RBPMS: variants seen among roughly 807,000 people sequenced by gnomAD.
RBPMS encodes the protein RNA-binding protein with multiple splicing.
RBPMS carries 7 observed loss-of-function variants against 26.8 expected under a neutral mutation model. The observed-to-expected ratio is 0.26, with a 90% CI of 0.15 to 0.49. The LOEUF is 0.49. Ranked by LOEUF, RBPMS falls within the 20% of genes least tolerant of loss-of-function variation. The pLI is 0.98. For synonymous variants in RBPMS, 96 were observed against 93.3 expected (o/e 1.03, Z -0.17); for missense variants, 186 against 250.0 (o/e 0.74, Z 1.73).
At chr8:30,388,863 T>C (rs972129046) in intron 1 of RBPMS, among the ~76,000 whole-genome samples, 4 of 152,032 alleles carry the variant, frequency 2.6e-5, no homozygotes, top group African/African-American at 7.2e-5. Flanking sequence ...ATAATAAAAC[T>C]AAAAAAGCAA....
At chr8:30,387,393 G>A (rs976737473) in intron 1 of RBPMS, 1 of 151,666 alleles carries the variant, frequency 6.6e-6, no homozygotes, top group African/African-American at 2.4e-5. Context: ...CCTCTTTTTT[G>A]TTTTTTTCTT....
At chr8:30,410,052 A>C (rs555050823) in intron 1 of RBPMS, among the ~76,000 whole-genome samples, 9 of 151,434 alleles carry the variant, frequency 5.9e-5, no homozygotes, top group African/African-American at 2.2e-4. Context: ...ACTAGTTGGC[A>C]GTTGGAATAA....
chr8:30,536,860 G>A (rs560697048), intron 5 of RBPMS, among the ~76,000 whole-genome samples: 7 of 152,192 alleles, frequency 4.6e-5, no homozygotes, highest in African/African-American at 1.7e-4. Context: ...GAGTGGGACT[G>A]AGCAGATTTT....
At chr8:30,412,528 C>T (rs1563294097) in intron 1 of RBPMS, among the ~76,000 whole-genome samples, 1 of 152,002 alleles carries the variant, frequency 6.6e-6, no homozygotes, top group Non-Finnish European at 1.5e-5. Flanking sequence ...TTTAGCACCT[C>T]ATCTCCATGG....
At chr8:30,412,887 C>T (rs62501998) in intron 1 of RBPMS, among the ~76,000 whole-genome samples, 23 of 152,128 alleles carry the variant, frequency 1.5e-4, no homozygotes, top group Non-Finnish European at 1.5e-5. Context: ...AGATTTTTCC[C>T]TCCTACCCAG....
At chr8:30,568,032 T>C (rs907308343) in intron 8 of RBPMS, among the ~76,000 whole-genome samples, 1 of 152,174 alleles carries the variant, frequency 6.6e-6, no homozygotes, top group Non-Finnish European at 1.5e-5. Context: ...GGAATGGAGT[T>C]CCAAACTGCA....
intron 5 of RBPMS, among the ~76,000 whole-genome samples, chr8:30,536,599 A>G (rs961752959): frequency 6.6e-6 from 1 of 152,224 alleles, no homozygotes; most frequent in Non-Finnish European, 1.5e-5. Context: ...GTGACAAATG[A>G]AAGTTATACT....
rs762446579 is a variant in RBPMS, at chr8:30,449,139, G to A, written c.67-25640G>A. On this transcript the variant is annotated intron_variant, in intron 1 of 8. Coordinates refer to ENST00000397323, the MANE Select transcript of RBPMS (RefSeq NM_001008710.3). ...TTTTGAACAGTTCCCATTGTGGCAC[G>A]TATTCCTTCAATGCTTTGTTGTGCC... is the stretch of plus-strand genomic sequence containing the variant. Among the ~76,000 whole-genome samples, 7 of 152,282 alleles carry A rather than the reference G, an allele frequency of 4.6e-5. No individual in the cohort carries two copies. The East Asian group carries it at 1.2e-3, about 25-fold the overall frequency.
At chr8:30,447,694 G>A (rs890945763) in intron 1 of RBPMS, among the ~76,000 whole-genome samples, 2 of 152,024 alleles carry the variant, frequency 1.3e-5, no homozygotes, top group African/African-American at 2.4e-5. Context: ...GAAAGTAAAC[G>A]TCTATTCAAC....
At chr8:30,569,340 T>A (rs554249719) in intron 8 of RBPMS, among the ~76,000 whole-genome samples, 139 of 152,174 alleles carry the variant, frequency 9.1e-4, no homozygotes, top group African/African-American at 3.3e-3. Flanking sequence ...CTCAGGAAAA[T>A]AATGCAGGAT....
intron 5 of RBPMS, among the ~76,000 whole-genome samples, chr8:30,513,152 G>A (rs1821909253): frequency 6.6e-6 from 1 of 152,094 alleles, no homozygotes; most frequent in Non-Finnish European, 1.5e-5. Context: ...GAGTCTTGGG[G>A]CAGCAGAGCC....
intron 4 of RBPMS, among the ~76,000 whole-genome samples, chr8:30,487,205 AT>A (rs1483651180): frequency 6.6e-6 from 1 of 151,860 alleles, no homozygotes; most frequent in African/African-American, 2.4e-5. Context: ...AGGGCAGCAC[AT>A]TTTGGCAGCT....
intron 5 of RBPMS, 103 bp from the exon 6 acceptor site, chr8:30,544,391 C>T (rs1161693593): frequency 8.7e-7 from 1 of 1,149,652 alleles, no homozygotes; most frequent in Non-Finnish European, 1.3e-6. Flanking sequence ...AGTAATTTGA[C>T]TTCCGACAGT....
intron 3 of RBPMS, 84 bp from the exon 4 acceptor site, chr8:30,479,231 C>T: frequency 1.0e-6 from 1 of 953,696 alleles, no homozygotes; most frequent in Non-Finnish European, 1.7e-6. Context: ...TTTATCTTAG[C>T]TCTTCAGTTT....
chr8:30,430,091 A>G (rs998272193), intron 1 of RBPMS, among the ~76,000 whole-genome samples: 1 of 152,146 alleles, frequency 6.6e-6, no homozygotes, highest in African/African-American at 2.4e-5. Context: ...AGCCTGGGCA[A>G]TATGGTGAAA....
intron 1 of RBPMS, among the ~76,000 whole-genome samples, chr8:30,424,320 A>G (rs1811118196): frequency 6.6e-6 from 1 of 152,226 alleles, no homozygotes; most frequent in Non-Finnish European, 1.5e-5. Flanking sequence ...ATAGAGTTGC[A>G]TATGGATGGT....
At chr8:30,459,271 G>T (rs1346368479) in intron 1 of RBPMS, among the ~76,000 whole-genome samples, 3 of 151,300 alleles carry the variant, frequency 2.0e-5, no homozygotes, top group Non-Finnish European at 4.4e-5. Context: ...GGTTTTTTTT[G>T]GTTTTGTTTG....
chr8:30,491,145 A>G (rs1819348131), intron 4 of RBPMS, among the ~76,000 whole-genome samples: 1 of 152,154 alleles, frequency 6.6e-6, no homozygotes. Flanking sequence ...TTAATTTAGT[A>G]TATGGTATTA....
At chr8:30,495,274 A>G (rs1269604529) in intron 4 of RBPMS, among the ~76,000 whole-genome samples, 1 of 148,254 alleles carries the variant, frequency 6.7e-6, no homozygotes, top group Non-Finnish European at 1.5e-5. Context: ...AGAAACAATT[A>G]TGAAGGTTTT....
Sources: gnomAD v4.1 joint callset for allele counts (sites outside exome capture counted in the v4.1 genomes callset) on GRCh38, gnomAD v4.1.1 for gene constraint, MANE v1.5 for transcripts, NCBI Gene and HGNC (gene_info 2026-07-23, HGNC 2026-07-21) for gene names.